CHRNB2: variants seen among roughly 807,000 people sequenced by gnomAD.
CHRNB2 encodes cholinergic receptor nicotinic beta 2 subunit.
A neutral mutation model predicts 42.7 loss-of-function variants in CHRNB2; 33 were observed. The observed-to-expected ratio is 0.77, with a 90% CI of 0.59 to 1.03. The LOEUF (loss-of-function observed/expected upper bound fraction) is 1.03. Among genes scored for constraint, CHRNB2 ranks in the 50% least tolerant of loss-of-function variants. The pLI is 0.00. For missense variants in CHRNB2, 603 were observed against 700.9 expected (o/e 0.86, Z 1.58); for synonymous variants, 325 against 292.9 (o/e 1.11, Z -1.12).
chr1:154,574,769 C>T (rs904380165), intron 5 of CHRNB2, among the ~76,000 whole-genome samples: 4 of 152,176 alleles, frequency 2.6e-5, no homozygotes, highest in Non-Finnish European at 5.9e-5. Context: ...TCATTTGCAT[C>T]CCCAGTGTGT....
chr1:154,575,270 T>C (rs1377061573), intron 5 of CHRNB2, among the ~76,000 whole-genome samples: 2 of 152,110 alleles, frequency 1.3e-5, no homozygotes, highest in Non-Finnish European at 2.9e-5. Flanking sequence ...GTACAGTAAA[T>C]ATACTGTGAT....
rs1696266690 is a variant in CHRNB2 at position 154,576,011 on chromosome 1, A to G, written c.*79A>G. On this transcript the variant is annotated 3_prime_UTR_variant, in exon 6 of 6. Coordinates refer to ENST00000368476, the MANE Select transcript of CHRNB2 (RefSeq NM_000748.3). ...GTGTTGGGTGGAGGATGGACGAGTGAGCTACCAGGAAGAGGGGCGCTGCCC... is the reference window on the plus strand; with the variant it reads ...GTGTTGGGTGGAGGATGGACGAGTGGGCTACCAGGAAGAGGGGCGCTGCCC... 6.3e-7 allele frequency: 1 copy of G among 1,575,714 alleles called. No homozygotes were observed. The highest frequency in any genetic ancestry group is 1.7e-5 in the Admixed American group (1 of 59,936).
At position 154,571,896 on chromosome 1, in the gene CHRNB2, G is replaced by A. The variant is rs770156397; in HGVS notation, c.1073G>A (p.Arg358His). ...FMQQPRHHCA[R>H]QRLRLRRRQR... Reference sequence around the variant, plus strand: ...CAGCAGCCACGCCATCATTGCGCCCGTCAGCGCCTGCGCCTGCGGCGACGC... The same window carrying A: ...CAGCAGCCACGCCATCATTGCGCCCATCAGCGCCTGCGCCTGCGGCGACGC... Residue 358 changes from arginine (R) to histidine (H), a missense_variant, in exon 5 of 6, where the codon CGT becomes CAT. Coordinates refer to ENST00000368476, the MANE Select transcript of CHRNB2 (RefSeq NM_000748.3). The surrounding 1 kb of genome is among the most constrained non-coding windows in gnomAD (Gnocchi z 6.8). 22 of 1,585,776 alleles carry A rather than the reference G, an allele frequency of 1.4e-5. No homozygotes were observed. The highest frequency in any genetic ancestry group is 1.1e-4 in the East Asian group (5 of 43,494).
rs1398892264 is a variant in CHRNB2 at position 154,576,255 on chromosome 1, GCCAGGAAGGGGA to G, written c.*325_*336del. 2.4e-6 allele frequency: 1 copy of G among 424,846 alleles called. No individual in the cohort carries two copies. Among genetic ancestry groups the G allele is most frequent in the African/African-American group, 2.0e-5 (1 of 49,262 alleles). The allele number at this position is 424,846 out of a possible 1,614,324, so 26.3% of individuals were successfully genotyped here. A position where few individuals can be genotyped will look rare whatever the true frequency, so the allele number is the denominator to read the frequency against. ...CACCCTGAGGAGTGATGGGCAAGGG[GCCAGGAAGGGGA>G]CAGGATTGTCTGCTGCCTCCAAGTC... On this transcript the variant is annotated 3_prime_UTR_variant, in exon 6 of 6. Transcript: ENST00000368476.
intron 5 of CHRNB2, among the ~76,000 whole-genome samples, chr1:154,574,627 G>C (rs1696237241): frequency 1.3e-5 from 2 of 152,128 alleles, no homozygotes; most frequent in Non-Finnish European, 1.5e-5. Flanking sequence ...GGCATTCCCA[G>C]ACCACATTCT....
In CHRNB2 at chr1:154,571,986, C is replaced by T. The variant is rs1337264477; in HGVS notation, c.1163C>T (p.Thr388Met). 1 of 1,537,256 alleles carries T rather than the reference C, an allele frequency of 6.5e-7. No homozygotes were observed. The highest frequency in any genetic ancestry group is 2.4e-5 in the East Asian group (1 of 40,916). ...GAAGCCCCAGGGGCCGACTCCTGCACGTGCTTCGTCAACCGCGCGTCGGTG... is the reference window on the plus strand; with the variant it reads ...GAAGCCCCAGGGGCCGACTCCTGCATGTGCTTCGTCAACCGCGCGTCGGTG... ...FREAPGADSC[T>M]CFVNRASVQG... Residue 388 changes from threonine (T) to methionine (M), a missense_variant, in exon 5 of 6, where the codon ACG (threonine) becomes ATG (methionine). Around this residue, in one of 2 missense-constraint regions of CHRNB2, gnomAD observed 270 missense variants for 248.3 expected, o/e 1.09. Coordinates refer to ENST00000368476, the MANE Select transcript of CHRNB2 (RefSeq NM_000748.3). This position sits in a 1 kb window ranked among gnomAD's most constrained non-coding sequence, Gnocchi z 6.8.
At position 154,576,142 on chromosome 1, in the gene CHRNB2, T is replaced by C. The variant is rs201024155; in HGVS notation, c.*210T>C. ...GCTGGACCAACTGCTTTGTTTTGGC[T>C]GCTCTCCATCTCTTGTACCAGCCCA... On this transcript the variant is annotated 3_prime_UTR_variant, in exon 6 of 6. Coordinates refer to ENST00000368476, the MANE Select transcript of CHRNB2 (RefSeq NM_000748.3). 2.9e-4 allele frequency: 182 copies of C among 630,304 alleles called. No individual in the cohort carries two copies. The highest frequency in any genetic ancestry group is 4.5e-4 in the Non-Finnish European group (157 of 351,838). The allele number at this position is 630,304 out of a possible 1,614,324, so 39.0% of individuals were successfully genotyped here.
chr1:154,567,912 G>A lies in CHRNB2; in HGVS notation c.-133G>A, dbSNP rs111585219. 2.8e-6 allele frequency: 2 copies of A among 726,716 alleles called. No individual in the cohort carries two copies. Among genetic ancestry groups the A allele is most frequent in the Non-Finnish European group, 4.0e-6 (2 of 497,796 alleles). The allele number at this position is 726,716 out of a possible 1,614,324, so 45.0% of individuals were successfully genotyped here. A position where few individuals can be genotyped will look rare whatever the true frequency, so the allele number is the denominator to read the frequency against. ...CTCCCTGAGGCCCAGGAACCACCGC[G>A]GCGGCCGGCACCACCTGGACCCAGC... On this transcript the variant is annotated 5_prime_UTR_variant, in exon 1 of 6. Coordinates refer to ENST00000368476, the MANE Select transcript of CHRNB2 (RefSeq NM_000748.3).
In CHRNB2 at chr1:154,571,917, GA is replaced by G. The variant is rs1557852026; in HGVS notation, c.1095del (p.Arg366AlafsTer82). Reference protein sequence around the residue: ...HCARQRLRLRRRQREREGAGA... With the variant: ...HCARQRLRLRXRQREREGAGA... ...GCCCGTCAGCGCCTGCGCCTGCGGC[GA>G]CGCCAGCGTGAGCGCGAGGGCGCTG... On this transcript the variant is annotated frameshift_variant, in exon 5 of 6. Coordinates refer to ENST00000368476, the MANE Select transcript of CHRNB2 (RefSeq NM_000748.3). LOFTEE classifies it high-confidence loss of function. This position sits in a 1 kb window ranked among gnomAD's most constrained non-coding sequence, Gnocchi z 6.8. The G allele has an allele frequency of 6.4e-7, 1 of 1,569,404 alleles. No homozygotes were observed.
chr1:154,571,908 G>C lies in CHRNB2; in HGVS notation c.1085G>C (p.Arg362Pro). The change falls in exon 5 of 6, where the codon CGC becomes CCC. Residue 362 changes from arginine to proline, a missense_variant. By Grantham distance (103) the Arg-to-Pro change is moderately radical (BLOSUM62 -2). Around this residue, in one of 2 missense-constraint regions of CHRNB2, gnomAD observed 270 missense variants for 248.3 expected, o/e 1.09. Transcript: ENST00000368476. The surrounding 1 kb of genome is among the most constrained non-coding windows in gnomAD (Gnocchi z 6.8). ...PRHHCARQRLRLRRRQREREG... is the reference protein window; with the variant it reads ...PRHHCARQRLPLRRRQREREG... Reference sequence around the variant, plus strand: ...CATCATTGCGCCCGTCAGCGCCTGCGCCTGCGGCGACGCCAGCGTGAGCGC... The same window carrying C: ...CATCATTGCGCCCGTCAGCGCCTGCCCCTGCGGCGACGCCAGCGTGAGCGC... 6.3e-7 allele frequency: 1 copy of C among 1,575,850 alleles called. No homozygotes were observed. Among genetic ancestry groups the C allele is most frequent in the Non-Finnish European group, 8.6e-7 (1 of 1,165,428 alleles).
At chr1:154,572,721 C>T (rs1306354814) in intron 5 of CHRNB2, among the ~76,000 whole-genome samples, 1 of 151,982 alleles carries the variant, frequency 6.6e-6, no homozygotes, top group African/African-American at 2.4e-5. Context: ...GCATGGAGTC[C>T]TAAATCAATA....
intron 5 of CHRNB2, 45 bp from the exon 6 acceptor site, chr1:154,575,717 A>G: frequency 1.2e-6 from 2 of 1,609,554 alleles, no homozygotes; most frequent in Non-Finnish European, 1.7e-6. Flanking sequence ...TTTGTCTCCC[A>G]TCCTGCATCA....
In CHRNB2 at chr1:154,575,861, C is replaced by T. The variant is rs752248053; in HGVS notation, c.1438C>T (p.Gln480Ter). The T allele has an allele frequency of 3.7e-6, 6 of 1,614,042 alleles. No individual in the cohort carries two copies. The highest frequency in any genetic ancestry group is 2.2e-5 in the East Asian group (1 of 44,894). ...CTTTGGCACCATCGGCATGTTCCTG[C>T]AGCCTCTCTTCCAGAACTACACCAC... is the stretch of plus-strand genomic sequence containing the variant. ...CVFGTIGMFL[Q>*]PLFQNYTTTT... is the part of the protein sequence containing the mutation. Residue 480 changes from glutamine to a stop codon, truncating the protein, a stop_gained, in exon 6 of 6, where the codon CAG becomes TAG. Transcript: ENST00000368476. LOFTEE classifies it high-confidence loss of function.
chr1:154,578,210 C>T lies in CHRNB2; in HGVS notation c.*2278C>T, dbSNP rs1365833700. 6.6e-6 allele frequency: 1 copy of T among 152,282 alleles called. No individual in the cohort carries two copies. The highest frequency in any genetic ancestry group is 1.5e-5 in the Non-Finnish European group (1 of 68,074). The allele number at this position is 152,282 out of a possible 1,614,324, so 9.4% of individuals were successfully genotyped here. ...GGTAGGATGCCGGCCTGAGGCCCTC[C>T]CTCTTGGCTCTCCCAGGGCCTGGGC... On this transcript the variant is annotated 3_prime_UTR_variant, in exon 6 of 6. Coordinates refer to ENST00000368476, the MANE Select transcript of CHRNB2 (RefSeq NM_000748.3).
rs1696323617 is a variant in CHRNB2 at position 154,578,366 on chromosome 1, C to T, written c.*2434C>T. 6.6e-6 allele frequency: 1 copy of T among 152,272 alleles called. No homozygotes were observed. Among genetic ancestry groups the T allele is most frequent in the Non-Finnish European group, 1.5e-5 (1 of 68,054 alleles). The allele number at this position is 152,272 out of a possible 1,614,324, so 9.4% of individuals were successfully genotyped here. A position where few individuals can be genotyped will look rare whatever the true frequency, so the allele number is the denominator to read the frequency against. On this transcript the variant is annotated 3_prime_UTR_variant, in exon 6 of 6. Transcript: ENST00000368476. ...GCAGAGAGCAGCTTGTCCAGCTCCT[C>T]TCCATGACCCGGTTAACACACGAGT...
chr1:154,571,338 A>G lies in CHRNB2; in HGVS notation c.515A>G (p.Lys172Arg), dbSNP rs1330894666. 5.6e-6 allele frequency: 9 copies of G among 1,614,052 alleles called. No individual in the cohort carries two copies. Among genetic ancestry groups the G allele is most frequent in the Non-Finnish European group, 7.6e-6 (9 of 1,180,034 alleles). The change falls in exon 5 of 6, where the codon AAG becomes AGG. Residue 172 changes from lysine (K) to arginine (R), a missense_variant. By Grantham distance (26) the Lys-to-Arg change is conservative. This residue lies in a region of CHRNB2 where 333 missense variants were observed against 452.6 expected (regional missense o/e 0.74). Coordinates refer to ENST00000368476, the MANE Select transcript of CHRNB2 (RefSeq NM_000748.3). This position sits in a 1 kb window ranked among gnomAD's most constrained non-coding sequence, Gnocchi z 6.8. ...TTTGACCAGCAGAACTGCACCATGA[A>G]GTTCCGTTCGTGGACCTACGACCGC... ...FPFDQQNCTM[K>R]FRSWTYDRTE... is the part of the protein sequence containing the mutation.
intron 1 of CHRNB2, 92 bp downstream of exon 1, chr1:154,568,200 G>A: frequency 7.0e-7 from 1 of 1,420,902 alleles, no homozygotes. Context: ...TAGGCCGGAA[G>A]GTGGAAGAAG....
In CHRNB2 at chr1:154,571,429, G is replaced by C. The variant is rs1696162217; in HGVS notation, c.606G>C (p.Glu202Asp). ...TGGACGACTTCACACCTAGTGGTGA[G>C]TGGGACATCGTGGCGCTGCCGGGCC... is the stretch of plus-strand genomic sequence containing the variant. ...ASLDDFTPSG[E>D]WDIVALPGRR... The change falls in exon 5 of 6, where the codon GAG becomes GAC. Residue 202 changes from glutamate (E) to aspartate (D), a missense_variant. By Grantham distance (45) the Glu-to-Asp change is conservative (BLOSUM62 2). Coordinates refer to ENST00000368476, the MANE Select transcript of CHRNB2 (RefSeq NM_000748.3). The surrounding 1 kb of genome is among the most constrained non-coding windows in gnomAD (Gnocchi z 6.8). 2 of 1,614,086 alleles carry C rather than the reference G, an allele frequency of 1.2e-6. No homozygotes were observed. The highest frequency in any genetic ancestry group is 1.7e-5 in the Admixed American group (1 of 60,016).
chr1:154,572,102 G>C lies in CHRNB2; in HGVS notation c.1279G>C (p.Ala427Pro). 13 of 1,536,932 alleles carry C rather than the reference G, an allele frequency of 8.5e-6. No individual in the cohort carries two copies. Among genetic ancestry groups the C allele is most frequent in the Non-Finnish European group, 1.1e-5 (13 of 1,146,612 alleles). The change falls in exon 5 of 6, where the codon GCG (alanine) becomes CCG (proline). Residue 427 changes from alanine (A) to proline (P), a missense_variant. Coordinates refer to ENST00000368476, the MANE Select transcript of CHRNB2 (RefSeq NM_000748.3). ...GEPCGCGLRE[A>P]VDGVRFIADH... ...GCCGTGTGGCTGTGGCCTCCGGGAG[G>C]CGGTGGACGGCGTGCGCTTCATCGC... is the stretch of plus-strand genomic sequence containing the variant.
Sources: allele counts gnomAD v4.1 joint callset (sites outside exome capture counted in the v4.1 genomes callset), GRCh38; gene constraint gnomAD v4.1.1; regional missense constraint gnomAD v4.1.1; non-coding constraint Gnocchi (gnomAD v3.1); transcripts MANE v1.5; gene names NCBI Gene and HGNC (gene_info 2026-07-23, HGNC 2026-07-21).